The following RBM18 variants were observed in gnomAD, a reference collection of about 807,000 sequenced individuals.
RBM18 encodes the protein RNA binding motif protein 18, also known as probable RNA-binding protein 18.
In RBM18, 18 loss-of-function variants were observed where a neutral mutation model predicts 26.4. The ratio of observed to expected loss-of-function variants is 0.68; its 90% confidence interval spans 0.47 to 1.01. RBM18 has a LOEUF of 1.01. Among genes scored for constraint, RBM18 ranks in the 50% least tolerant of loss-of-function variants. The pLI is 0.00. For missense variants in RBM18, 180 were observed against 219.2 expected, an observed-to-expected ratio of 0.82 and a Z score of 1.13; for synonymous variants, 74 against 81.1, an observed-to-expected ratio of 0.91 and a Z score of 0.47.
intron 2 of RBM18, among the ~76,000 whole-genome samples, chr9:122,257,718 T>C (rs534125629): frequency 2.6e-5 from 4 of 152,228 alleles, no homozygotes; most frequent in Admixed American, 6.5e-5. Context: ...AGTAAGTTTA[T>C]AATGTCTTCT....
In RBM18 at chr9:122,237,925, T is replaced by C. The variant is rs944524608; in HGVS notation, c.*3959A>G. On this transcript the variant is annotated 3_prime_UTR_variant, in exon 6 of 6. Transcript: ENST00000417201. ...ATCATTTTCATGTCACAATATAGTA[T>C]ATATATTTTGTTTACTTTTTTTCTC... is the stretch of plus-strand genomic sequence containing the variant. 14 of 152,294 alleles carry C rather than the reference T, an allele frequency of 9.2e-5. No individual in the cohort carries two copies. Among genetic ancestry groups the C allele is most frequent in the African/African-American group, 2.2e-4 (9 of 41,548 alleles). The allele number at this position is 152,294 out of a possible 1,614,324, so 9.4% of individuals were successfully genotyped here. A position where few individuals can be genotyped will look rare whatever the true frequency, so the allele number is the denominator to read the frequency against.
intron 2 of RBM18, among the ~76,000 whole-genome samples, chr9:122,252,227 T>C (rs1325284037): frequency 6.6e-6 from 1 of 152,228 alleles, no homozygotes; most frequent in Non-Finnish European, 1.5e-5. Context: ...AACCACACCT[T>C]ACAAACAGCT....
intron 4 of RBM18, among the ~76,000 whole-genome samples, chr9:122,245,559 T>C (rs1831491431): frequency 6.6e-6 from 1 of 152,188 alleles, no homozygotes; most frequent in Non-Finnish European, 1.5e-5. Flanking sequence ...CATCAGTTCC[T>C]CCTTATTTGG....
At chr9:122,243,972 C>A in intron 5 of RBM18, 1 of 551,058 alleles carries the variant, frequency 1.8e-6, no homozygotes, top group Non-Finnish European at 2.3e-6. Flanking sequence ...TGAAGACCAC[C>A]AAGCATAAAT....
Position 122,242,015 on chromosome 9 carries a change from C to T in RBM18, c.442G>A (p.Ala148Thr). 2.5e-5 allele frequency: 41 copies of T among 1,614,012 alleles called. No individual in the cohort carries two copies. Among genetic ancestry groups the T allele is most frequent in the Non-Finnish European group, 3.4e-5 (40 of 1,179,978 alleles). ...TTTTCCGCCATCATTTTCAGTTTTGCTTCAATGGCTTTTATCTTTGCAGTG... is the reference window on the plus strand; with the variant it reads ...TTTTCCGCCATCATTTTCAGTTTTGTTTCAATGGCTTTTATCTTTGCAGTG... ...SVTAKIKAIEAKLKMMAENPD... is the reference protein window; with the variant it reads ...SVTAKIKAIETKLKMMAENPD... Residue 148 changes from alanine to threonine, a missense_variant, in exon 6 of 6, where the codon GCA (alanine) becomes ACA (threonine). Ala to Thr is a moderately conservative substitution (Grantham distance 58). Coordinates refer to ENST00000417201, the MANE Select transcript of RBM18 (RefSeq NM_033117.4).
chr9:122,241,742 C>A lies in RBM18; in HGVS notation c.*142G>T, dbSNP rs947538697. 8 of 670,974 alleles carry A rather than the reference C, an allele frequency of 1.2e-5. No individual in the cohort carries two copies. Among genetic ancestry groups the A allele is most frequent in the Non-Finnish European group, 2.0e-5 (8 of 399,438 alleles). 41.6% of individuals were successfully genotyped at this position (670,974 alleles called of 1,614,324 possible). Reference sequence around the variant, plus strand: ...TTTAGGGAAGAAACATCCATAAGAACATCCAAAAACATTATGTTACCAAAT... The same window carrying A: ...TTTAGGGAAGAAACATCCATAAGAAAATCCAAAAACATTATGTTACCAAAT... On this transcript the variant is annotated 3_prime_UTR_variant, in exon 6 of 6. Transcript: ENST00000417201.
At chr9:122,242,096 A>C (rs1831430989) in intron 5 of RBM18, 53 bp from the exon 6 acceptor site, 5 of 1,571,952 alleles carry the variant, frequency 3.2e-6, no homozygotes, top group Non-Finnish European at 4.3e-6. Flanking sequence ...TTCAGAAAAT[A>C]GCTGTACAGT....
At chr9:122,254,417 G>A (rs1309412708) in intron 2 of RBM18, 2 of 348,734 alleles carry the variant, frequency 5.7e-6, no homozygotes, top group Non-Finnish European at 8.1e-6. Context: ...TGGAGATGGG[G>A]ACTGCAGGCT....
intron 1 of RBM18, among the ~76,000 whole-genome samples, chr9:122,264,279 A>C (rs1831906843): frequency 6.6e-6 from 1 of 152,232 alleles, no homozygotes; most frequent in Non-Finnish European, 1.5e-5. Context: ...GACAGCTCAG[A>C]ATATGGCTTT....
intron 2 of RBM18, among the ~76,000 whole-genome samples, chr9:122,256,106 G>A (rs1831694254): frequency 6.6e-6 from 1 of 152,168 alleles, no homozygotes; most frequent in Non-Finnish European, 1.5e-5. Flanking sequence ...TCAGCCTCCT[G>A]CTAAACACCC....
chr9:122,238,157 G>A lies in RBM18; in HGVS notation c.*3727C>T, dbSNP rs1831358409. The stretch of plus-strand genomic sequence containing the variant: ...CATCTGGACAATGAGGGGGCTATAT[G>A]AGATGGTCTCTTAAGGCCCTTTGGC... On this transcript the variant is annotated 3_prime_UTR_variant, in exon 6 of 6. Transcript: ENST00000417201. 2 of 152,184 alleles carry A rather than the reference G, an allele frequency of 1.3e-5. No homozygotes were observed. The highest frequency in any genetic ancestry group is 2.9e-5 in the Non-Finnish European group (2 of 68,044). The allele number at this position is 152,184 out of a possible 1,614,324, so 9.4% of individuals were successfully genotyped here.
rs1350873642 is a variant in RBM18 at position 122,240,690 on chromosome 9, T to C, written c.*1194A>G. The C allele has an allele frequency of 6.6e-6, 1 of 152,224 alleles. No individual in the cohort carries two copies. Among genetic ancestry groups the C allele is most frequent in the Non-Finnish European group, 1.5e-5 (1 of 68,034 alleles). The allele number at this position is 152,224 out of a possible 1,614,324, so 9.4% of individuals were successfully genotyped here. A position where few individuals can be genotyped will look rare whatever the true frequency, so the allele number is the denominator to read the frequency against. On this transcript the variant is annotated 3_prime_UTR_variant, in exon 6 of 6. Coordinates refer to ENST00000417201, the MANE Select transcript of RBM18 (RefSeq NM_033117.4). ...CTGAAGAAACACATCCCTAAATCTG[T>C]TGGTTGACTTATCTTTCTCTATTGT...
rs1260744207 is a variant in RBM18, at chr9:122,239,435, T to C, written c.*2449A>G. On this transcript the variant is annotated 3_prime_UTR_variant, in exon 6 of 6. Coordinates refer to ENST00000417201, the MANE Select transcript of RBM18 (RefSeq NM_033117.4). ...GGTTAGGATTACATTTTGCATTTGA[T>C]AAAATAGGAATTGAGATGAAGAAAA... 30 of 152,208 alleles carry C rather than the reference T, an allele frequency of 2.0e-4. No homozygotes were observed. The highest frequency in any genetic ancestry group is 2.0e-3 in the Admixed American group (30 of 15,276). The allele number at this position is 152,208 out of a possible 1,614,324, so 9.4% of individuals were successfully genotyped here.
intron 2 of RBM18, 129 bp downstream of exon 2, chr9:122,261,251 T>C: frequency 3.0e-6 from 2 of 658,692 alleles, no homozygotes; most frequent in South Asian, 1.9e-5. Context: ...CAACATCTTA[T>C]CTCTCCGAAG....
At chr9:122,262,148 A>G (rs1671501303) in intron 1 of RBM18, among the ~76,000 whole-genome samples, 1 of 152,168 alleles carries the variant, frequency 6.6e-6, no homozygotes, top group African/African-American at 2.4e-5. Flanking sequence ...ATCACTAAAT[A>G]CTGTATCTAA....
At chr9:122,263,858 C>T (rs1587985015) in intron 1 of RBM18, among the ~76,000 whole-genome samples, 1 of 152,292 alleles carries the variant, frequency 6.6e-6, no homozygotes, top group Middle Eastern at 3.4e-3. Context: ...GGGTTCAAAT[C>T]CTGACTTTTG....
rs1831356382 is a variant in RBM18 at position 122,238,009 on chromosome 9, G to A, written c.*3875C>T. On this transcript the variant is annotated 3_prime_UTR_variant, in exon 6 of 6. Transcript: ENST00000417201. The stretch of plus-strand genomic sequence containing the variant: ...ACTTGTAGGCTATACAAAATTAGGA[G>A]GCAGAGGCCAGTTTGCTGAACACTG... 1 of 152,144 alleles carries A rather than the reference G, an allele frequency of 6.6e-6. No homozygotes were observed. The highest frequency in any genetic ancestry group is 2.1e-4 in the South Asian group (1 of 4,824). The allele number at this position is 152,144 out of a possible 1,614,324, so 9.4% of individuals were successfully genotyped here.
intron 2 of RBM18, chr9:122,254,466 T>A (rs902513041): frequency 5.9e-6 from 1 of 168,126 alleles, no homozygotes; most frequent in African/African-American, 2.4e-5. Flanking sequence ...TGCTTTCACA[T>A]CTGCAAGCAC....
intron 2 of RBM18, among the ~76,000 whole-genome samples, chr9:122,256,184 G>A (rs952682953): frequency 2.0e-5 from 3 of 152,182 alleles, no homozygotes; most frequent in Non-Finnish European, 4.4e-5. Context: ...GTCTTAACCT[G>A]AGAGTATTCT....
Sources: allele counts gnomAD v4.1 joint callset (sites outside exome capture counted in the v4.1 genomes callset), GRCh38; gene constraint gnomAD v4.1.1; transcripts MANE v1.5; gene names NCBI Gene and HGNC (gene_info 2026-07-23, HGNC 2026-07-21).